The following CCDC68 variants were observed in gnomAD, a reference collection of about 807,000 sequenced individuals.
CCDC68 encodes the protein coiled-coil domain containing 68, also known as coiled-coil domain-containing protein 68.
A neutral mutation model predicts 47.1 loss-of-function variants in CCDC68; 45 were observed. The ratio of observed to expected loss-of-function variants is 0.96; its 90% CI spans 0.75 to 1.23. The LOEUF is 1.23. Ranked by LOEUF, CCDC68 falls within the 50% of genes most tolerant of loss-of-function variation. The pLI is 0.00. For missense variants in CCDC68, 353 were observed against 373.6 expected, an observed-to-expected ratio of 0.94 and a Z score of 0.45; for synonymous variants, 131 against 129.5, an observed-to-expected ratio of 1.01 and a Z score of -0.08.
chr18:54,942,736 T>C lies in CCDC68; in HGVS notation c.56A>G (p.Asn19Ser), dbSNP rs1425161401. 2 of 1,612,764 alleles carry C rather than the reference T, an allele frequency of 1.2e-6. No individual in the cohort carries two copies. Among genetic ancestry groups the C allele is most frequent in the African/African-American group, 2.7e-5 (2 of 74,856 alleles). ...GGACGTAGACTCATACAAGGCAGAA[T>C]TATCTTCCATCTTATCCCTTGGGGG... Reference protein sequence around the residue: ...EIPPRDKMEDNSALYESTSAH... With the variant: ...EIPPRDKMEDSSALYESTSAH... The change falls in exon 3 of 12, where the codon AAT becomes AGT. Residue 19 changes from asparagine (N) to serine (S), a missense_variant. Physicochemically the swap from Asn to Ser is conservative, Grantham distance 46 (BLOSUM62 1). Transcript: ENST00000591504.
In CCDC68 at chr18:54,902,960, G is replaced by T. The variant is rs1302955367; in HGVS notation, c.*1398C>A. 6.6e-6 allele frequency: 1 copy of T among 152,102 alleles called. No individual in the cohort carries two copies. Among genetic ancestry groups the T allele is most frequent in the Non-Finnish European group, 1.5e-5 (1 of 68,008 alleles). 9.4% of individuals were successfully genotyped at this position (152,102 alleles called of 1,614,324 possible). ...AGTAAAGTGCTTAGACTTGTTGCTG[G>T]TATAAGGTAACTATGCCCTAAATGT... On this transcript the variant is annotated 3_prime_UTR_variant, in exon 12 of 12. Transcript: ENST00000591504.
At chr18:54,937,730 G>T in intron 5 of CCDC68, 1 of 371,450 alleles carries the variant, frequency 2.7e-6, no homozygotes, top group Non-Finnish European at 4.9e-6. Flanking sequence ...TTGTATAACT[G>T]TTGAACTTTT....
chr18:54,941,560 G>C (rs749925912), intron 3 of CCDC68, among the ~76,000 whole-genome samples: 1 of 152,034 alleles, frequency 6.6e-6, no homozygotes, highest in Non-Finnish European at 1.5e-5. Context: ...ATTTATGAAT[G>C]AAATATAAGC....
At chr18:54,919,658 T>A (rs1568138893) in intron 8 of CCDC68, among the ~76,000 whole-genome samples, 3 of 152,170 alleles carry the variant, frequency 2.0e-5, no homozygotes, top group Admixed American at 2.0e-4. Context: ...CAAGTTATAT[T>A]CAGTACGATA....
intron 3 of CCDC68, among the ~76,000 whole-genome samples, chr18:54,941,975 T>G (rs1012318505): frequency 6.6e-6 from 1 of 152,068 alleles, no homozygotes; most frequent in Non-Finnish European, 1.5e-5. Flanking sequence ...TTTTTGTATT[T>G]TAAGTAGAGA....
chr18:54,907,196 C>A (rs1279605069), intron 11 of CCDC68, among the ~76,000 whole-genome samples: 1 of 152,118 alleles, frequency 6.6e-6, no homozygotes, highest in East Asian at 1.9e-4. Flanking sequence ...CTGCCAACAA[C>A]CACAACAAAA....
At chr18:54,936,784 G>A in intron 6 of CCDC68, 49 bp downstream of exon 6, 4 of 1,610,036 alleles carry the variant, frequency 2.5e-6, no homozygotes, top group Non-Finnish European at 3.4e-6. Context: ...AACTTCAACA[G>A]CTCAGGGTGG....
At position 54,932,978 on chromosome 18, in the gene CCDC68, T is replaced by C. The variant is rs569149326; in HGVS notation, c.600+1842A>G. On this transcript the variant is annotated intron_variant, in intron 7 of 11. Coordinates refer to ENST00000591504, the MANE Select transcript of CCDC68 (RefSeq NM_025214.3). ...TATGCTACACATGGTGGTGTTCAAA[T>C]ATTTGTTTAGTAAACAGTCAAGTAA... Among the ~76,000 whole-genome samples the C allele has an allele frequency of 2.0e-3, 310 of 152,358 alleles. 1 individual carries two copies. Among genetic ancestry groups the C allele is most frequent in the African/African-American group, 7.3e-3 (303 of 41,586 alleles).
At chr18:54,907,415 A>G (rs867236620) in intron 11 of CCDC68, among the ~76,000 whole-genome samples, 40 of 152,338 alleles carry the variant, frequency 2.6e-4, no homozygotes, top group Middle Eastern at 3.4e-3. Context: ...ATTTCAAAAA[A>G]TGCCAACAAT....
At chr18:54,955,618 C>G (rs1250359651) in intron 1 of CCDC68, among the ~76,000 whole-genome samples, 2 of 152,056 alleles carry the variant, frequency 1.3e-5, no homozygotes, top group African/African-American at 4.8e-5. Flanking sequence ...TATAAGAAAA[C>G]AATTCTGGCT....
In CCDC68 at chr18:54,909,254, G is replaced by A. The variant is rs556325988; in HGVS notation, c.874-1392C>T. On this transcript the variant is annotated intron_variant, in intron 10 of 11. Coordinates refer to ENST00000591504, the MANE Select transcript of CCDC68 (RefSeq NM_025214.3). ...TTAAAGGACACACCCATATAAAAGT[G>A]TCTGCGACCAAAAGGTAGCTGGGGG... 2.0e-5 allele frequency among the ~76,000 whole-genome samples: 3 copies of A among 152,318 alleles called. No homozygotes were observed. In the East Asian group the frequency reaches 5.8e-4, roughly 29 times the overall value.
At chr18:54,907,641 C>T (rs1293145578) in intron 11 of CCDC68, 145 bp downstream of exon 11, 6 of 582,156 alleles carry the variant, frequency 1.0e-5, no homozygotes, top group South Asian at 2.6e-5. Context: ...AAGATTAACA[C>T]AGTTCTGAAT....
chr18:54,941,081 A>C lies in CCDC68; in HGVS notation c.120T>G (p.Ile40Met), dbSNP rs1323317090. The C allele has an allele frequency of 6.2e-7, 1 of 1,609,178 alleles. No individual in the cohort carries two copies. The highest frequency in any genetic ancestry group is 2.2e-5 in the East Asian group (1 of 44,770). The change falls in exon 4 of 12, where the codon ATT (isoleucine) becomes ATG (methionine). Residue 40 changes from isoleucine (I) to methionine (M), a missense_variant and splice_region_variant. Ile to Met is a conservative substitution (Grantham distance 10). Coordinates refer to ENST00000591504, the MANE Select transcript of CCDC68 (RefSeq NM_025214.3). ...IIEETEYVKK[I>M]RTTLQKIRTQ... The stretch of plus-strand genomic sequence containing the variant: ...TCCTGATCTTTTGCAGAGTAGTTCG[A>C]ATCTAGAGAAGGAAAACAAAACCAT...
intron 6 of CCDC68, among the ~76,000 whole-genome samples, chr18:54,936,324 T>C (rs1425275403): frequency 6.8e-6 from 1 of 146,932 alleles, no homozygotes; most frequent in Non-Finnish European, 1.5e-5. Flanking sequence ...TATATAACTT[T>C]ATATATTATT....
Position 54,918,014 on chromosome 18 carries a change from C to G in CCDC68, c.790-18G>C. The G allele has an allele frequency of 3.4e-6, 4 of 1,164,576 alleles. No individual in the cohort carries two copies. Among genetic ancestry groups the G allele is most frequent in the Non-Finnish European group, 5.0e-6 (4 of 802,936 alleles). The allele number at this position is 1,164,576 out of a possible 1,614,324, so 72.1% of individuals were successfully genotyped here. ...CCTTCCATCTAAGAATTAGAAAACA[C>G]AATAGGAAAAACCTTGTCAGACCAC... On this transcript the variant is annotated intron_variant, in intron 9 of 11. Transcript: ENST00000591504.
At chr18:54,938,151 T>C (rs931720032) in intron 4 of CCDC68, 54 bp from the exon 5 acceptor site, 1 of 1,543,966 alleles carries the variant, frequency 6.5e-7, no homozygotes, top group African/African-American at 1.4e-5. Flanking sequence ...TCTACAAACT[T>C]TGACAACAAT....
intron 6 of CCDC68, 114 bp from the exon 7 acceptor site, chr18:54,935,062 G>C (rs2044321532): frequency 4.1e-6 from 3 of 726,770 alleles, no homozygotes; most frequent in Admixed American, 4.1e-5. Context: ...ATTCATACTT[G>C]TTTAGAATTA....
At chr18:54,923,569 A>G (rs946932204) in intron 8 of CCDC68, among the ~76,000 whole-genome samples, 3 of 152,226 alleles carry the variant, frequency 2.0e-5, no homozygotes, top group Non-Finnish European at 4.4e-5. Flanking sequence ...ACTAAAGGCC[A>G]TTGCAGAAAA....
chr18:54,913,266 C>T (rs578085456), intron 10 of CCDC68, among the ~76,000 whole-genome samples: 4 of 152,112 alleles, frequency 2.6e-5, no homozygotes, highest in Admixed American at 6.5e-5. Context: ...CAGAGACAAA[C>T]GATTTTAGCA....
Sources: allele counts gnomAD v4.1 joint callset (sites outside exome capture counted in the v4.1 genomes callset), GRCh38; gene constraint gnomAD v4.1.1; transcripts MANE v1.5; gene names NCBI Gene and HGNC (gene_info 2026-07-23, HGNC 2026-07-21).